The following GPHN variants were observed in gnomAD, a reference collection of about 807,000 sequenced individuals.
GPHN encodes gephyrin.
GPHN carries 17 observed loss-of-function variants against 95.5 expected under a neutral mutation model. The ratio of observed to expected loss-of-function variants is 0.18; its 90% confidence interval spans 0.12 to 0.27. The LOEUF is 0.27. Ranked by LOEUF, GPHN falls within the 10% of genes least tolerant of loss-of-function variation. The pLI, the probability that GPHN is intolerant of heterozygous loss-of-function variation, is 1.00. For missense variants in GPHN, 660 were observed against 978.1 expected, an observed-to-expected ratio of 0.67 and a Z score of 4.34; for synonymous variants, 320 against 322.5, an observed-to-expected ratio of 0.99 and a Z score of 0.08.
At chr14:67,141,272 C>T (rs1276539813) in intron 17 of GPHN, among the ~76,000 whole-genome samples, 4 of 152,160 alleles carry the variant, frequency 2.6e-5, no homozygotes, top group Admixed American at 6.5e-5. Context: ...CAGGTTGGAA[C>T]CAGGCCTACC....
intron 3 of GPHN, among the ~76,000 whole-genome samples, chr14:66,820,216 A>G (rs1184371531): frequency 6.6e-6 from 1 of 152,184 alleles, no homozygotes; most frequent in African/African-American, 2.4e-5. Context: ...ATTTTCAGAA[A>G]AAAACTGATA....
chr14:66,896,806 C>A (rs2153544568), intron 5 of GPHN, among the ~76,000 whole-genome samples: 1 of 150,740 alleles, frequency 6.6e-6, no homozygotes, highest in East Asian at 2.0e-4. Context: ...AACAAACAAA[C>A]AAAACAAAAC....
chr14:67,242,829 CG>C, the GPHN span, among the ~76,000 whole-genome samples: 2 of 152,076 alleles, frequency 1.3e-5, no homozygotes, highest in Non-Finnish European at 2.9e-5. Context: ...TTTGGCAAGA[CG>C]GACTTGAACT....
At chr14:66,766,313 G>C (rs1163737286) in intron 2 of GPHN, among the ~76,000 whole-genome samples, 1 of 152,086 alleles carries the variant, frequency 6.6e-6, no homozygotes, top group Non-Finnish European at 1.5e-5. Flanking sequence ...AAGAAGAAAG[G>C]CTGAATTTTA....
chr14:66,546,179 C>T (rs1370318693), intron 1 of GPHN, among the ~76,000 whole-genome samples: 7 of 151,398 alleles, frequency 4.6e-5, no homozygotes, highest in South Asian at 4.2e-4. Flanking sequence ...GGATGGCGGC[C>T]GGGAAGAGGC....
intron 1 of GPHN, among the ~76,000 whole-genome samples, chr14:66,563,099 T>G (rs749012978): frequency 1.3e-5 from 2 of 150,904 alleles, no homozygotes; most frequent in Non-Finnish European, 3.0e-5. Context: ...TTAAGGGATT[T>G]TATTGGTATA....
chr14:66,734,719 T>C lies in GPHN; in HGVS notation c.144-41745T>C, dbSNP rs569811650. On this transcript the variant is annotated intron_variant, in intron 2 of 22. Coordinates refer to ENST00000478722, the MANE Select transcript of GPHN (RefSeq NM_020806.5). ...GAACTATAATGAAGGATCATAATCATAGCAAACATTTATGTAGTCTCCATA... is the reference window on the plus strand; with the variant it reads ...GAACTATAATGAAGGATCATAATCACAGCAAACATTTATGTAGTCTCCATA... 7.2e-4 allele frequency among the ~76,000 whole-genome samples: 110 copies of C among 152,314 alleles called. 1 individual carries two copies. Among genetic ancestry groups the C allele is most frequent in the Non-Finnish European group, 1.4e-3 (94 of 68,016 alleles).
At chr14:67,429,279 GGCGTGCAGT>G in the GPHN span, among the ~76,000 whole-genome samples, 177 of 149,836 alleles carry the variant, frequency 1.2e-3, no homozygotes, top group Non-Finnish European at 2.2e-3. Flanking sequence ...CGCCCAGGCT[GGCGTGCAGT>G]GGCGTGATCT....
At chr14:67,632,808 ATTTTTTTTTTTTTT>A in the GPHN span, among the ~76,000 whole-genome samples, 129 of 62,418 alleles carry the variant, frequency 2.1e-3, 1 homozygote, top group Non-Finnish European at 2.8e-3. Context: ...AAGCCTCTTA[ATTTTTTTTTTTTTT>A]TTTTTTTTTT....
chr14:67,644,955 G>A, the GPHN span, among the ~76,000 whole-genome samples: 5 of 149,774 alleles, frequency 3.3e-5, no homozygotes, highest in Middle Eastern at 3.5e-3. Flanking sequence ...CTGAGATTGC[G>A]CCACTGCACT....
chr14:67,175,830 A>C (rs190637897), intron 21 of GPHN, among the ~76,000 whole-genome samples: 4 of 152,030 alleles, frequency 2.6e-5, no homozygotes, highest in East Asian at 3.9e-4. Context: ...ATTTTATTCT[A>C]TTTGTATCAA....
At chr14:67,289,230 A>G in the GPHN span, among the ~76,000 whole-genome samples, 2 of 151,976 alleles carry the variant, frequency 1.3e-5, no homozygotes, top group Non-Finnish European at 2.9e-5. Context: ...AGCCTCCCAA[A>G]GTGCTGGGAT....
chr14:67,184,276 T>A (rs2083357246), downstream of GPHN, among the ~76,000 whole-genome samples: 1 of 152,258 alleles, frequency 6.6e-6, no homozygotes, highest in African/African-American at 2.4e-5. Context: ...AGTCTAGATT[T>A]ATTCTAGAGA....
chr14:66,683,975 C>CAAAA (rs1253075683), intron 2 of GPHN, among the ~76,000 whole-genome samples: 1 of 107,258 alleles, frequency 9.3e-6, no homozygotes, highest in East Asian at 2.8e-4. Flanking sequence ...GACTCCGTCT[C>CAAAA]AAAAAAAAAA....
At chr14:67,060,217 A>G (rs888990502) in intron 11 of GPHN, among the ~76,000 whole-genome samples, 6 of 151,760 alleles carry the variant, frequency 4.0e-5, no homozygotes, top group African/African-American at 1.4e-4. Context: ...AAAAAAAAAA[A>G]AGAGTTGGAA....
intron 4 of GPHN, among the ~76,000 whole-genome samples, chr14:66,832,737 A>G (rs985962331): frequency 6.6e-6 from 1 of 152,178 alleles, no homozygotes; most frequent in Admixed American, 6.6e-5. Flanking sequence ...TAAAATAGTC[A>G]TATGACAATT....
At chr14:67,303,720 TTAAA>T in the GPHN span, 1 of 714,506 alleles carries the variant, frequency 1.4e-6, no homozygotes, top group Non-Finnish European at 2.4e-6. Context: ...TCATTTTTAT[TTAAA>T]TAAATATGAA....
chr14:66,967,179 C>G (rs569922919), intron 9 of GPHN, among the ~76,000 whole-genome samples: 1 of 151,906 alleles, frequency 6.6e-6, no homozygotes, highest in Admixed American at 6.5e-5. Flanking sequence ...AGTTATCACT[C>G]TGGTGTAATT....
chr14:66,649,248 C>T (rs1401678313), intron 1 of GPHN, among the ~76,000 whole-genome samples: 1 of 151,908 alleles, frequency 6.6e-6, no homozygotes, highest in Non-Finnish European at 1.5e-5. Context: ...GCAGGAGAAT[C>T]GCTTGAACCT....
Sources: gnomAD v4.1 joint callset for allele counts (sites outside exome capture counted in the v4.1 genomes callset) on GRCh38, gnomAD v4.1.1 for gene constraint, MANE v1.5 for transcripts, NCBI Gene and HGNC (gene_info 2026-07-23, HGNC 2026-07-21) for gene names.